The following NPHP4 variants were observed in gnomAD, a reference collection of about 807,000 sequenced individuals.
The protein encoded by NPHP4 is nephrocystin-4.
NPHP4 carries 151 observed loss-of-function variants against 155.8 expected under a neutral mutation model. The ratio of observed to expected loss-of-function variants is 0.97; its 90% CI spans 0.85 to 1.11. The LOEUF is 1.11. Ranked by LOEUF, NPHP4 falls within the 50% of genes least tolerant of loss-of-function variation. The pLI, the probability that NPHP4 is intolerant of heterozygous loss-of-function variation, is 0.00. For missense variants in NPHP4, 1,956 were observed against 1,925.7 expected (o/e 1.02, Z -0.29); for synonymous variants, 845 against 816.8 (o/e 1.03, Z -0.59).
At chr1:5,986,702 A>AT (rs894011047) in intron 1 of NPHP4, among the ~76,000 whole-genome samples, 6 of 152,234 alleles carry the variant, frequency 3.9e-5, no homozygotes, top group African/African-American at 1.2e-4. Flanking sequence ...CTTTTCAGAA[A>AT]TAAAAATAAA....
chr1:5,868,425 A>C (rs1321985483), intron 23 of NPHP4: 1 of 253,506 alleles, frequency 3.9e-6, no homozygotes, highest in Non-Finnish European at 7.8e-6. Flanking sequence ...ACTCATTAAA[A>C]ACCATATTGT....
intron 9 of NPHP4, among the ~76,000 whole-genome samples, chr1:5,936,778 C>T (rs1407181006): frequency 6.6e-6 from 1 of 152,190 alleles, no homozygotes; most frequent in East Asian, 1.9e-4. Flanking sequence ...CTGTGGCGGG[C>T]TCAATGTGTC....
chr1:5,907,270 C>G (rs371663004), intron 12 of NPHP4, 48 bp from the exon 13 acceptor site: 4 of 1,281,464 alleles, frequency 3.1e-6, no homozygotes, highest in East Asian at 5.3e-5. Flanking sequence ...CTTGCCAGTC[C>G]GTCCACAAAG....
chr1:5,956,063 G>GC (rs575700485), intron 6 of NPHP4, among the ~76,000 whole-genome samples: 1 of 149,234 alleles, frequency 6.7e-6, no homozygotes, highest in Non-Finnish European at 1.5e-5. Context: ...AAAAGCTGGG[G>GC]GGGGGGGGTG....
rs565453834 is a variant in NPHP4 at position 5,902,971 on chromosome 1, C to T, written c.2143+1646G>A. On this transcript the variant is annotated intron_variant, in intron 16 of 29. Transcript: ENST00000378156. ...AAAGTTATAAAATTAGATTTGATAC[C>T]GATTCTCTCAGTATAGGGTGATGCC... Among the ~76,000 whole-genome samples the T allele has an allele frequency of 5.3e-5, 8 of 152,188 alleles. No individual in the cohort carries two copies. In the South Asian group the frequency reaches 1.0e-3, roughly 20 times the overall value.
intron 17 of NPHP4, chr1:5,888,673 C>T (rs1239954047): frequency 2.0e-5 from 25 of 1,223,498 alleles, no homozygotes; most frequent in African/African-American, 4.7e-5. Flanking sequence ...CAAGGAAATG[C>T]GAATGAAAAC....
At position 5,863,347 on chromosome 1, in the gene NPHP4, C is replaced by A; in HGVS notation, c.4199G>T (p.Gly1400Val). 1 of 1,613,972 alleles carries A rather than the reference C, an allele frequency of 6.2e-7. No homozygotes were observed. The highest frequency in any genetic ancestry group is 8.5e-7 in the Non-Finnish European group (1 of 1,179,832). The part of the protein sequence containing the change: ...GLQFAPSQRV[G>V]EEEILIYIND... ...GATGTAGATCAGGATCTCCTCCTCA[C>A]CCACTCTCTGACTAGGCGCAAACTG... The change falls in exon 30 of 30, where the codon GGT becomes GTT. Residue 1400 changes from glycine to valine, a missense_variant. Physicochemically the swap from Gly to Val is moderately radical, Grantham distance 109. Transcript: ENST00000378156.
intron 20 of NPHP4, among the ~76,000 whole-genome samples, chr1:5,875,357 T>C (rs1301119582): frequency 6.6e-6 from 1 of 152,188 alleles, no homozygotes; most frequent in Non-Finnish European, 1.5e-5. Context: ...CCCTGCCTAT[T>C]CCTGAGAGAC....
intron 5 of NPHP4, among the ~76,000 whole-genome samples, chr1:5,963,855 T>A (rs1164272337): frequency 4.6e-5 from 7 of 152,078 alleles, no homozygotes; most frequent in African/African-American, 1.7e-4. Context: ...ACCTGGCTAA[T>A]TTTTGTGTTT....
intron 18 of NPHP4, chr1:5,886,685 G>A (rs1001765154): frequency 5.2e-5 from 8 of 152,416 alleles, no homozygotes; most frequent in African/African-American, 1.9e-4. Flanking sequence ...CCCATCAGCA[G>A]CCCCTATCCC....
chr1:5,864,897 G>T, intron 27 of NPHP4: 1 of 578,002 alleles, frequency 1.7e-6, no homozygotes. Context: ...CCGGCCTTTG[G>T]GGTTGGTGTG....
intron 29 of NPHP4, 108 bp downstream of exon 29, chr1:5,863,781 TG>T: frequency 8.0e-7 from 1 of 1,249,750 alleles, no homozygotes; most frequent in African/African-American, 1.5e-5. Context: ...CTGGGGCTTT[TG>T]GAAGACTGCT....
chr1:5,879,777 G>GCACA (rs1228492162), intron 19 of NPHP4: 2 of 351,014 alleles, frequency 5.7e-6, no homozygotes, highest in African/African-American at 2.3e-5. Flanking sequence ...CGAATGGTGC[G>GCACA]CACACACACA....
intron 27 of NPHP4, 107 bp from the exon 28 acceptor site, chr1:5,864,624 G>A (rs1641010037): frequency 1.8e-6 from 2 of 1,134,930 alleles, no homozygotes; most frequent in East Asian, 5.3e-5. Flanking sequence ...AAGGTCATGG[G>A]TGGTTCCGGG....
chr1:5,981,147 C>CA (rs1475557206), intron 2 of NPHP4, among the ~76,000 whole-genome samples: 1 of 152,190 alleles, frequency 6.6e-6, no homozygotes, highest in African/African-American at 2.4e-5. Flanking sequence ...TGGGTTCCCC[C>CA]AGCACCGCCA....
chr1:5,888,481 T>C (rs994761973), intron 17 of NPHP4: 1 of 1,249,348 alleles, frequency 8.0e-7, no homozygotes, highest in Admixed American at 2.6e-5. Flanking sequence ...CTTGTGGGTC[T>C]GGGGGCTTCC....
intron 18 of NPHP4, chr1:5,880,533 C>T (rs1393005296): frequency 2.6e-6 from 1 of 383,006 alleles, no homozygotes; most frequent in Admixed American, 3.9e-5. Context: ...TGGATTCTTA[C>T]TTCTGGATCT....
intron 5 of NPHP4, among the ~76,000 whole-genome samples, chr1:5,966,692 C>G (rs1651569025): frequency 6.6e-6 from 1 of 152,198 alleles, no homozygotes; most frequent in Non-Finnish European, 1.5e-5. Flanking sequence ...ACTCCCCCAA[C>G]TGCTAGGCAA....
At position 5,947,214 on chromosome 1, in the gene NPHP4, G is replaced by T. The variant is rs1349609389; in HGVS notation, c.1009C>A (p.Leu337Met). The change falls in exon 9 of 30, where the codon CTG becomes ATG. Residue 337 changes from leucine to methionine, a missense_variant. Coordinates refer to ENST00000378156, the MANE Select transcript of NPHP4 (RefSeq NM_015102.5). ...SSKTSSGSQA[L>M]VLRSRLRLPE... ...AGGCGGAGGCGGCTTCTCAAAACCA[G>T]AGCTTGGCTCCCGGAGCTGGGTCAG... is the stretch of plus-strand genomic sequence containing the variant. 1.2e-6 allele frequency: 2 copies of T among 1,613,652 alleles called. No homozygotes were observed. The highest frequency in any genetic ancestry group is 1.7e-6 in the Non-Finnish European group (2 of 1,179,814).
Sources: allele counts gnomAD v4.1 joint callset (sites outside exome capture counted in the v4.1 genomes callset), GRCh38; gene constraint gnomAD v4.1.1; transcripts MANE v1.5; gene names NCBI Gene and HGNC (gene_info 2026-07-23, HGNC 2026-07-21).